Variants in TMEM59 observed in about 807,000 individuals in gnomAD.
The protein encoded by TMEM59 is dendritic cell factor 1.
Under a neutral mutation model 42.2 loss-of-function variants are expected in TMEM59, and 44 were observed. That is an observed-to-expected ratio of 1.04 (90% CI 0.82 to 1.34). TMEM59 has a LOEUF of 1.34. TMEM59 is among the 40% of genes most tolerant of loss of function. The pLI is 0.00. For synonymous variants in TMEM59, 148 were observed against 145.8 expected (o/e 1.02, Z -0.11); for missense variants, 359 against 382.8 (o/e 0.94, Z 0.52).
At position 54,053,019 on chromosome 1, in the gene TMEM59, G is replaced by A; in HGVS notation, c.170C>T (p.Pro57Leu). The A allele has an allele frequency of 6.2e-7, 1 of 1,614,082 alleles. No homozygotes were observed. The highest frequency in any genetic ancestry group is 8.5e-7 in the Non-Finnish European group (1 of 1,179,976). The change falls in exon 1 of 8, where the codon CCC becomes CTC. Residue 57 changes from proline to leucine, a missense_variant. Physicochemically the swap from Pro to Leu is moderately conservative, Grantham distance 98. Coordinates refer to ENST00000234831, the MANE Select transcript of TMEM59 (RefSeq NM_004872.5). ...SCHRACQLTY[P>L]LHTYPKEEEL... ...CCCTACCTTAGGGTAGGTGTGCAAGGGGTAGGTCAACTGACAGGCCCGGTG... is the reference window on the plus strand; with the variant it reads ...CCCTACCTTAGGGTAGGTGTGCAAGAGGTAGGTCAACTGACAGGCCCGGTG...
chr1:54,036,089 G>A (rs967974931), intron 7 of TMEM59, among the ~76,000 whole-genome samples: 1 of 152,228 alleles, frequency 6.6e-6, no homozygotes, highest in East Asian at 1.9e-4. Context: ...TTCAGGACCA[G>A]ACTGGTCAAT....
intron 4 of TMEM59, among the ~76,000 whole-genome samples, chr1:54,042,717 T>G (rs1399833985): frequency 6.6e-6 from 1 of 152,182 alleles, no homozygotes; most frequent in Admixed American, 6.5e-5. Flanking sequence ...TGGGCCTTGG[T>G]GCTAAAGTGC....
At chr1:54,039,781 A>G (rs930033124) in intron 6 of TMEM59, among the ~76,000 whole-genome samples, 12 of 152,046 alleles carry the variant, frequency 7.9e-5, no homozygotes, top group African/African-American at 1.9e-4. Context: ...GTGATAGTCA[A>G]TAAGTGGTAT....
chr1:54,037,880 G>A (rs1297050958), intron 6 of TMEM59, among the ~76,000 whole-genome samples: 1 of 152,076 alleles, frequency 6.6e-6, no homozygotes, highest in East Asian at 1.9e-4. Context: ...GAGTACTAAG[G>A]AATTTACCAC....
intron 1 of TMEM59, among the ~76,000 whole-genome samples, chr1:54,052,362 A>G (rs1263483046): frequency 6.6e-6 from 1 of 152,172 alleles, no homozygotes; most frequent in East Asian, 1.9e-4. Context: ...CGTTTTCTGC[A>G]CTGAGTGGTC....
chr1:54,028,442 T>G lies in TMEM59; in HGVS notation c.*3708A>C, dbSNP rs1457436912. 1 of 152,212 alleles carries G rather than the reference T, an allele frequency of 6.6e-6. No individual in the cohort carries two copies. Among genetic ancestry groups the G allele is most frequent in the Non-Finnish European group, 1.5e-5 (1 of 68,062 alleles). 9.4% of individuals were successfully genotyped at this position (152,212 alleles called of 1,614,324 possible). A position where few individuals can be genotyped will look rare whatever the true frequency, so the allele number is the denominator to read the frequency against. On this transcript the variant is annotated 3_prime_UTR_variant, in exon 8 of 8. Transcript: ENST00000234831. ...CTGTATGGCACTCTCTTGCTTAAAA[T>G]CTTTCAGTGGCTCTCTACTGTGCTC...
At position 54,028,333 on chromosome 1, in the gene TMEM59, C is replaced by CT. The variant is rs1656664651; in HGVS notation, c.*3816dup. On this transcript the variant is annotated 3_prime_UTR_variant, in exon 8 of 8. Coordinates refer to ENST00000234831, the MANE Select transcript of TMEM59 (RefSeq NM_004872.5). ...ATTCTTGGGTATTAAAAAAAGAACT[C>CT]TGAGGCTAAGATTATTGTTGGCCTC... 6.6e-6 allele frequency: 1 copy of CT among 152,300 alleles called. No homozygotes were observed. The highest frequency in any genetic ancestry group is 1.9e-4 in the East Asian group (1 of 5,192). The allele number at this position is 152,300 out of a possible 1,614,324, so 9.4% of individuals were successfully genotyped here.
At chr1:54,042,378 C>T (rs186004143) in intron 4 of TMEM59, among the ~76,000 whole-genome samples, 161 of 152,264 alleles carry the variant, frequency 1.1e-3, no homozygotes, top group Non-Finnish European at 1.8e-3. Flanking sequence ...CAGAGCTAAT[C>T]TCCTATCTAA....
chr1:54,047,649 G>GA (rs1045766297), intron 1 of TMEM59: 3 of 356,418 alleles, frequency 8.4e-6, no homozygotes, highest in Admixed American at 5.1e-5. Context: ...CTGTGGGGGG[G>GA]AAAAATTAAA....
chr1:54,047,444 G>A (rs1657380610), intron 1 of TMEM59, 72 bp from the exon 2 acceptor site: 1 of 1,217,534 alleles, frequency 8.2e-7, no homozygotes, highest in African/African-American at 1.5e-5. Flanking sequence ...AACAGGTTAG[G>A]AAGAAAGCAG....
At chr1:54,049,805 C>T (rs1348118925) in intron 1 of TMEM59, among the ~76,000 whole-genome samples, 3 of 151,984 alleles carry the variant, frequency 2.0e-5, no homozygotes, top group Non-Finnish European at 4.4e-5. Flanking sequence ...ACAGCAAGAC[C>T]CTGTTTCAAT....
chr1:54,052,277 G>T (rs547453483), intron 1 of TMEM59, among the ~76,000 whole-genome samples: 3 of 152,236 alleles, frequency 2.0e-5, no homozygotes, highest in Non-Finnish European at 4.4e-5. Flanking sequence ...ATAGAGAGGA[G>T]GGCCATTCCT....
intron 1 of TMEM59, among the ~76,000 whole-genome samples, chr1:54,050,744 T>G (rs946117912): frequency 6.6e-6 from 1 of 151,794 alleles, no homozygotes; most frequent in Non-Finnish European, 1.5e-5. Flanking sequence ...GTATTTTTAG[T>G]AGAGACAGGG....
rs977656129 is a variant in TMEM59 at position 54,029,174 on chromosome 1, T to C, written c.*2976A>G. On this transcript the variant is annotated 3_prime_UTR_variant, in exon 8 of 8. Transcript: ENST00000234831. ...GTTTTCTGCTGATCAGCAGCTCAGA[T>C]TGCCTCATGATGCACCACAGGGATT... 5 of 152,216 alleles carry C rather than the reference T, an allele frequency of 3.3e-5. No individual in the cohort carries two copies. The highest frequency in any genetic ancestry group is 1.2e-4 in the African/African-American group (5 of 41,452). The allele number at this position is 152,216 out of a possible 1,614,324, so 9.4% of individuals were successfully genotyped here. A position where few individuals can be genotyped will look rare whatever the true frequency, so the allele number is the denominator to read the frequency against.
chr1:54,043,325 A>C (rs1323012086), intron 4 of TMEM59, 48 bp downstream of exon 4: 1 of 1,421,532 alleles, frequency 7.0e-7, no homozygotes, highest in Non-Finnish European at 9.3e-7. Flanking sequence ...AGACATATAC[A>C]TTTACTGTTG....
At chr1:54,039,848 T>A (rs1657079879) in intron 6 of TMEM59, among the ~76,000 whole-genome samples, 1 of 150,530 alleles carries the variant, frequency 6.6e-6, no homozygotes, top group Non-Finnish European at 1.5e-5. Flanking sequence ...GAGTAAAATG[T>A]GGGGGAGGGA....
At position 54,036,720 on chromosome 1, in the gene TMEM59, T is replaced by C. The variant is rs755771622; in HGVS notation, c.708-2A>G. 7 of 1,559,370 alleles carry C rather than the reference T, an allele frequency of 4.5e-6. No homozygotes were observed. Among genetic ancestry groups the C allele is most frequent in the Non-Finnish European group, 6.0e-6 (7 of 1,157,952 alleles). On this transcript the variant is annotated splice_acceptor_variant, in intron 6 of 7. Transcript: ENST00000234831. LOFTEE classifies it high-confidence loss of function. ...GTAGTTAAAATCCACCCAGAGTTAC[T>C]GGAAAAAAAAAATCAACAATTAGTT...
Position 54,032,318 on chromosome 1 carries a change from A to G in TMEM59, c.817-13T>C. On this transcript the variant is annotated splice_polypyrimidine_tract_variant and intron_variant, in intron 7 of 7. Transcript: ENST00000234831. Reference sequence around the variant, plus strand: ...AGATACTCAGCTTCTGCAAAAGAAAACCAATGTACATTAGTAGTCTGGATA... The same window carrying G: ...AGATACTCAGCTTCTGCAAAAGAAAGCCAATGTACATTAGTAGTCTGGATA... The G allele has an allele frequency of 1.9e-6, 3 of 1,593,108 alleles. No homozygotes were observed. Among genetic ancestry groups the G allele is most frequent in the Non-Finnish European group, 2.6e-6 (3 of 1,169,508 alleles).
In TMEM59 at chr1:54,041,816, A is replaced by G; in HGVS notation, c.544-11T>C. On this transcript the variant is annotated splice_polypyrimidine_tract_variant and intron_variant, in intron 4 of 7. Transcript: ENST00000234831. ...GATTTCTGGCTTAGACTAAAATAAT[A>G]ATGAAAGCAATTAAGTCATTTGTAC... The G allele has an allele frequency of 6.2e-7, 1 of 1,605,434 alleles. No individual in the cohort carries two copies. Among genetic ancestry groups the G allele is most frequent in the Non-Finnish European group, 8.5e-7 (1 of 1,174,138 alleles).
Sources: gnomAD v4.1 joint callset for allele counts (sites outside exome capture counted in the v4.1 genomes callset) on GRCh38, gnomAD v4.1.1 for gene constraint, MANE v1.5 for transcripts, NCBI Gene and HGNC (gene_info 2026-07-23, HGNC 2026-07-21) for gene names.